The following ABCC4 variants were observed in gnomAD, a reference collection of about 807,000 sequenced individuals.
The protein encoded by ABCC4 is ATP binding cassette subfamily C member 4 (PEL blood group).
Under a neutral mutation model 168.5 loss-of-function variants are expected in ABCC4, and 102 were observed. The ratio of observed to expected loss-of-function variants is 0.61; its 90% CI spans 0.52 to 0.71. The LOEUF is 0.71. Among genes scored for constraint, ABCC4 ranks in the 30% least tolerant of loss-of-function variants. The probability of loss-of-function intolerance (pLI) is 0.00; values close to 1 mark genes in which losing one functional copy is unlikely to be tolerated. For synonymous variants in ABCC4, 617 were observed against 590.7 expected, an observed-to-expected ratio of 1.04 and a Z score of -0.65; for missense variants, 1,402 against 1,605.8, an observed-to-expected ratio of 0.87 and a Z score of 2.17.
chr13:95,199,693 G>A (rs1490385836), intron 8 of ABCC4, among the ~76,000 whole-genome samples: 1 of 151,950 alleles, frequency 6.6e-6, no homozygotes. Context: ...TCATCTTCCG[G>A]GACTGCTTGC....
intron 8 of ABCC4, among the ~76,000 whole-genome samples, chr13:95,201,202 A>G (rs1399819201): frequency 1.3e-5 from 2 of 152,152 alleles, no homozygotes; most frequent in South Asian, 2.1e-4. Context: ...CGGTCATTTT[A>G]TTTTACTACA....
Position 95,204,434 on chromosome 13 carries a change from A to G in ABCC4, c.1161+2098T>C, listed in dbSNP as rs541110343. 8.7e-5 allele frequency among the ~76,000 whole-genome samples: 13 copies of G among 148,750 alleles called. 1 individual carries two copies. The highest frequency in any genetic ancestry group is 5.9e-4 in the Admixed American group (9 of 15,190). On this transcript the variant is annotated intron_variant, in intron 8 of 30. Transcript: ENST00000645237. ...GGGACCAGGTGGAGGTAATCGGATC[A>G]TGGGGGCAGTTTCCCCTGTGCTGTT...
chr13:95,065,266 G>A (rs1463473954), intron 25 of ABCC4, among the ~76,000 whole-genome samples: 1 of 152,136 alleles, frequency 6.6e-6, no homozygotes, highest in Non-Finnish European at 1.5e-5. Flanking sequence ...TCAGTGCAAG[G>A]CTGCATTAAC....
chr13:95,050,835 A>G (rs568042507), intron 27 of ABCC4, among the ~76,000 whole-genome samples: 15 of 152,364 alleles, frequency 9.8e-5, no homozygotes, highest in African/African-American at 3.1e-4. Context: ...TCATCTCCCA[A>G]TTAACATTTC....
chr13:95,205,531 T>G (rs529579604), intron 8 of ABCC4, among the ~76,000 whole-genome samples: 18 of 152,240 alleles, frequency 1.2e-4, no homozygotes, highest in Admixed American at 2.0e-4. Flanking sequence ...AACTTATTCA[T>G]AAACACACAA....
intron 20 of ABCC4, among the ~76,000 whole-genome samples, chr13:95,113,567 TAAA>T (rs10719221): frequency 1.4e-5 from 2 of 147,376 alleles, no homozygotes; most frequent in African/African-American, 5.0e-5. Flanking sequence ...CTAGGCAACT[TAAA>T]AAAAAAAAAA....
At chr13:95,262,253 A>C (rs2040551524) in intron 1 of ABCC4, among the ~76,000 whole-genome samples, 1 of 152,226 alleles carries the variant, frequency 6.6e-6, no homozygotes, top group Non-Finnish European at 1.5e-5. Flanking sequence ...CAAAGAAGTC[A>C]ACGTGTTGAG....
intron 1 of ABCC4, among the ~76,000 whole-genome samples, chr13:95,251,579 T>G (rs1430432318): frequency 6.6e-6 from 1 of 152,086 alleles, no homozygotes; most frequent in African/African-American, 2.4e-5. Flanking sequence ...TAAACAATAC[T>G]AAAAGAAGAG....
At chr13:95,286,968 A>AG (rs1242783162) in intron 1 of ABCC4, among the ~76,000 whole-genome samples, 44 of 150,850 alleles carry the variant, frequency 2.9e-4, no homozygotes, top group Middle Eastern at 3.4e-3. Context: ...AAAAAAAAAA[A>AG]AAAAGAAAAG....
At chr13:95,190,389 T>G (rs776034269) in intron 9 of ABCC4, among the ~76,000 whole-genome samples, 24 of 152,176 alleles carry the variant, frequency 1.6e-4, no homozygotes, top group Non-Finnish European at 2.6e-4. Context: ...ATCAAATTCA[T>G]TACTTTTACA....
chr13:95,297,328 ACAATTG>A (rs1435162474), intron 1 of ABCC4, among the ~76,000 whole-genome samples: 1 of 152,048 alleles, frequency 6.6e-6, no homozygotes, highest in Non-Finnish European at 1.5e-5. Context: ...TTAAAAATCC[ACAATTG>A]CCAACAGCCA....
chr13:95,163,770 G>A, intron 16 of ABCC4, 123 bp from the exon 17 acceptor site: 1 of 787,632 alleles, frequency 1.3e-6, no homozygotes, highest in Non-Finnish European at 2.1e-6. Flanking sequence ...GGTGGCTCAT[G>A]CTTGTAAACC....
intron 3 of ABCC4, among the ~76,000 whole-genome samples, chr13:95,244,558 A>T (rs546808434): frequency 7.1e-6 from 1 of 141,818 alleles, no homozygotes; most frequent in African/African-American, 2.8e-5. Context: ...CAACAGAGTG[A>T]GACCCTATCT....
intron 25 of ABCC4, among the ~76,000 whole-genome samples, chr13:95,063,967 A>G (rs981476379): frequency 2.0e-5 from 3 of 152,176 alleles, no homozygotes; most frequent in Admixed American, 2.0e-4. Flanking sequence ...ATTATTTAAT[A>G]AATTTTAAAA....
intron 14 of ABCC4, among the ~76,000 whole-genome samples, chr13:95,168,930 C>G (rs1196772712): frequency 6.6e-6 from 1 of 152,064 alleles, no homozygotes; most frequent in Non-Finnish European, 1.5e-5. Context: ...CAGATACAAT[C>G]AAGACAAGAT....
intron 20 of ABCC4, among the ~76,000 whole-genome samples, chr13:95,098,114 C>T (rs113320418): frequency 0.016 from 2,086 of 133,758 alleles, 20 homozygotes; most frequent in Non-Finnish European, 0.025. Context: ...CCAGCCTGGG[C>T]GACAGAGTGA....
At position 95,193,347 on chromosome 13, in the gene ABCC4, G is replaced by C. The variant is rs1678379; in HGVS notation, c.1263+1489C>G. 2.5e-3 allele frequency among the ~76,000 whole-genome samples: 377 copies of C among 152,318 alleles called. 3 individuals carry two copies. Among genetic ancestry groups the C allele is most frequent in the African/African-American group, 8.8e-3 (367 of 41,564 alleles). On this transcript the variant is annotated intron_variant, in intron 9 of 30. Transcript: ENST00000645237. Reference sequence around the variant, plus strand: ...ACTGCCCACCTGTTTTAAGCAGCCTGAGCTGTTCCAGTACCCTCAGAAGAG... The same window carrying C: ...ACTGCCCACCTGTTTTAAGCAGCCTCAGCTGTTCCAGTACCCTCAGAAGAG...
intron 1 of ABCC4, among the ~76,000 whole-genome samples, chr13:95,260,510 G>A (rs2040504483): frequency 6.6e-6 from 1 of 152,144 alleles, no homozygotes; most frequent in Admixed American, 6.5e-5. Context: ...GTATAGTCAG[G>A]TACCTGGGAA....
At chr13:95,073,143 C>T (rs539864465) in intron 24 of ABCC4, 61 bp downstream of exon 24, 21 of 1,376,302 alleles carry the variant, frequency 1.5e-5, no homozygotes, top group East Asian at 1.2e-4. Context: ...ATAAGAATGG[C>T]TTTTATACCA....
Sources: gnomAD v4.1 joint callset for allele counts (sites outside exome capture counted in the v4.1 genomes callset) on GRCh38, gnomAD v4.1.1 for gene constraint, MANE v1.5 for transcripts, NCBI Gene and HGNC (gene_info 2026-07-23, HGNC 2026-07-21) for gene names.